MGAM: variants seen among roughly 807,000 people sequenced by gnomAD.
MGAM encodes the protein alpha-1,4-glucosidase.
In MGAM, 253 loss-of-function variants were observed where a neutral mutation model predicts 358.8. The ratio of observed to expected loss-of-function variants is 0.71; its 90% CI spans 0.64 to 0.78. MGAM has a LOEUF of 0.78. MGAM is among the 30% of genes least tolerant of loss of function. The probability of loss-of-function intolerance (pLI) is 0.00; values close to 1 mark genes in which losing one functional copy is unlikely to be tolerated. For synonymous variants in MGAM, 1,105 were observed against 1,227.1 expected (o/e 0.90, Z 2.08); for missense variants, 3,080 against 3,432.6 (o/e 0.90, Z 2.57).
rs112006675 is a variant in MGAM at position 142,069,993 on chromosome 7, A to T, written c.5062-1001A>T. On this transcript the variant is annotated intron_variant, in intron 43 of 70. Transcript: ENST00000475668. Reference sequence around the variant, plus strand: ...CAGATCACAAGGTCAGGAGATCGAGACCATCCTAGCTAACACGGTGAAACC... The same window carrying T: ...CAGATCACAAGGTCAGGAGATCGAGTCCATCCTAGCTAACACGGTGAAACC... Among the ~76,000 whole-genome samples, 3 of 145,452 alleles carry T rather than the reference A, an allele frequency of 2.1e-5. 1 individual carries two copies. The highest frequency in any genetic ancestry group is 1.4e-4 in the Admixed American group (2 of 14,440).
upstream of MGAM, among the ~76,000 whole-genome samples, chr7:141,991,436 A>AT (rs782706798): frequency 7.1e-3 from 1,003 of 140,438 alleles, 4 homozygotes; most frequent in African/African-American, 0.019. Context: ...GGAGAAAAGG[A>AT]TTTTTTTTTT....
intron 40 of MGAM, 132 bp downstream of exon 40, chr7:142,065,963 GTTTTGT>G (rs1812711436): frequency 3.9e-6 from 3 of 759,690 alleles, no homozygotes; most frequent in Non-Finnish European, 3.9e-6. Context: ...GTTTTGTTTT[GTTTTGT>G]TTTTTTTTTT....
At chr7:142,089,327 A>G (rs1815144126) in intron 57 of MGAM, among the ~76,000 whole-genome samples, 1 of 146,668 alleles carries the variant, frequency 6.8e-6, no homozygotes, top group South Asian at 2.2e-4. Flanking sequence ...GGATGCCCAT[A>G]GCTCTGATTT....
At chr7:142,052,729 G>A in intron 25 of MGAM, 55 bp from the exon 26 acceptor site, 7 of 1,594,154 alleles carry the variant, frequency 4.4e-6, no homozygotes, top group Non-Finnish European at 5.2e-6. Flanking sequence ...GTTTAGGTTA[G>A]AGAACTTTAA....
In MGAM at chr7:142,027,615, T is replaced by C; in HGVS notation, c.1101T>C (p.Ile367=). 1.2e-6 allele frequency: 2 copies of C among 1,613,386 alleles called. No homozygotes were observed. The highest frequency in any genetic ancestry group is 1.3e-5 in the African/African-American group (1 of 75,028). ...EQVVQEYLEL[I]GRPALPSYWA... The stretch of plus-strand genomic sequence containing the variant: ...ACTTCACATATTTCTTTCAGCTCAT[T>C]GGGCGGCCAGCCCTTCCCTCCTACT... Residue 367 remains isoleucine (I), a synonymous_variant, in exon 10 of 71, where the codon ATT becomes ATC. Coordinates refer to ENST00000475668, the MANE Select transcript of MGAM (RefSeq NM_001365693.1).
chr7:142,040,597 C>A (rs764804941), intron 20 of MGAM, 125 bp from the exon 21 acceptor site: 22 of 1,253,380 alleles, frequency 1.8e-5, no homozygotes, highest in Non-Finnish European at 2.2e-5. Context: ...TGTTTGATTG[C>A]CTGGCTAGAC....
chr7:142,043,992 TATACAC>T (rs1278552753), intron 21 of MGAM, among the ~76,000 whole-genome samples: 3 of 127,554 alleles, frequency 2.4e-5, no homozygotes, highest in Non-Finnish European at 4.7e-5. Flanking sequence ...ATATACATTA[TATACAC>T]ATACGACGTA....
upstream of MGAM, among the ~76,000 whole-genome samples, chr7:141,993,132 G>A (rs181853227): frequency 6.6e-6 from 1 of 152,318 alleles, no homozygotes; most frequent in African/African-American, 2.4e-5. Flanking sequence ...ATAAGAGATA[G>A]TGATTTTTGT....
chr7:142,024,946 T>C (rs1013862690), intron 7 of MGAM, 104 bp from the exon 8 acceptor site: 26 of 725,956 alleles, frequency 3.6e-5, no homozygotes, highest in Non-Finnish European at 5.3e-5. Flanking sequence ...CTGAATGTCC[T>C]GTCAATTAGT....
intron 22 of MGAM, among the ~76,000 whole-genome samples, chr7:142,048,170 G>T (rs956924097): frequency 2.1e-5 from 3 of 141,600 alleles, no homozygotes; most frequent in African/African-American, 8.5e-5. Context: ...TTTATTTATT[G>T]AGGTGGAGTT....
Position 142,084,658 on chromosome 7 carries a change from C to T in MGAM, c.6507+14C>T, listed in dbSNP as rs1407512463. 2 of 1,553,682 alleles carry T rather than the reference C, an allele frequency of 1.3e-6. No homozygotes were observed. Among genetic ancestry groups the T allele is most frequent in the Non-Finnish European group, 1.8e-6 (2 of 1,131,496 alleles). On this transcript the variant is annotated intron_variant, in intron 54 of 70. Transcript: ENST00000475668. ...CAGATCCCTTATGTACGTTCTCAGTCATGGCTCTGGAGTTTGAAAACTAAC... is the reference window on the plus strand; with the variant it reads ...CAGATCCCTTATGTACGTTCTCAGTTATGGCTCTGGAGTTTGAAAACTAAC...
At chr7:142,037,152 T>G (rs1359922239) in intron 18 of MGAM, among the ~76,000 whole-genome samples, 175 bp downstream of exon 18, 1 of 152,204 alleles carries the variant, frequency 6.6e-6, no homozygotes, top group Non-Finnish European at 1.5e-5. Flanking sequence ...TCTATCTAAC[T>G]GGAATACCTA....
chr7:142,091,994 T>C lies in MGAM; in HGVS notation c.6892T>C (p.Tyr2298His), dbSNP rs1815429217. ...KWWKREIEELYNNPQNPERSL... is the reference protein window; with the variant it reads ...KWWKREIEELHNNPQNPERSL... ...GTGGAAGAGGGAAATAGAAGAACTA[T>C]ACAACAATCCACAGAATCCAGAGAG... The change falls in exon 58 of 71, where the codon TAC becomes CAC. Residue 2298 changes from tyrosine to histidine, a missense_variant. Around this residue, in one of 5 missense-constraint regions of MGAM, gnomAD observed 932 missense variants for 1,198.2 expected, o/e 0.78. Transcript: ENST00000475668. 34 of 1,538,856 alleles carry C rather than the reference T, an allele frequency of 2.2e-5. 3 individuals are homozygous for C. The highest frequency in any genetic ancestry group is 3.0e-5 in the Non-Finnish European group (34 of 1,122,102).
intron 21 of MGAM, among the ~76,000 whole-genome samples, chr7:142,046,396 G>C (rs1211827350): frequency 6.6e-6 from 1 of 151,540 alleles, no homozygotes; most frequent in East Asian, 1.9e-4. Flanking sequence ...TATAACTGTG[G>C]GTCTCATTCC....
At chr7:142,050,333 A>G (rs765169759) in intron 23 of MGAM, 49 bp downstream of exon 23, 5 of 1,568,544 alleles carry the variant, frequency 3.2e-6, no homozygotes, top group East Asian at 2.2e-5. Flanking sequence ...TGGACTGACC[A>G]TTAGCACATC....
intron 3 of MGAM, among the ~76,000 whole-genome samples, chr7:142,016,400 T>C (rs137883084): frequency 1.2e-4 from 18 of 152,358 alleles, no homozygotes; most frequent in African/African-American, 4.1e-4. Context: ...TATTCTGTTA[T>C]GTACTATCTC....
intron 11 of MGAM, 69 bp downstream of exon 11, chr7:142,030,562 T>G: frequency 6.2e-7 from 1 of 1,607,990 alleles, no homozygotes; most frequent in Non-Finnish European, 8.5e-7. Flanking sequence ...TCTCTCCTGC[T>G]TTCTCCCCCA....
At chr7:142,081,991 G>T in intron 50 of MGAM, 51 bp from the exon 51 acceptor site, 1 of 1,509,630 alleles carries the variant, frequency 6.6e-7, no homozygotes, top group Middle Eastern at 1.8e-4. Flanking sequence ...GCTGCTGGAA[G>T]CAGAGAGAAA....
chr7:142,044,065 GACGTATA>G lies in MGAM; in HGVS notation c.2498+3221_2498+3227del, dbSNP rs1563152944. On this transcript the variant is annotated intron_variant, in intron 21 of 70. Transcript: ENST00000475668. Reference sequence around the variant, plus strand: ...TAATATATACATTATATACACATACGACGTATAATACATTATATACACATACGACGTA... The same window carrying G: ...TAATATATACATTATATACACATACGATACATTATATACACATACGACGTA... 7.4e-4 allele frequency among the ~76,000 whole-genome samples: 91 copies of G among 123,192 alleles called. 3 individuals carry two copies. Among genetic ancestry groups the G allele is most frequent in the Non-Finnish European group, 9.0e-4 (55 of 60,852 alleles). The allele number at this position is 123,192 out of a possible 152,430, so 80.8% of individuals were successfully genotyped here. A position where few individuals can be genotyped will look rare whatever the true frequency, so the allele number is the denominator to read the frequency against.
Sources: gnomAD v4.1 joint callset for allele counts (sites outside exome capture counted in the v4.1 genomes callset) on GRCh38, gnomAD v4.1.1 for gene constraint, gnomAD v4.1.1 regional missense constraint, MANE v1.5 for transcripts, NCBI Gene and HGNC (gene_info 2026-07-23, HGNC 2026-07-21) for gene names.